Variants in SYT1 observed in about 807,000 individuals in gnomAD.
The protein encoded by SYT1 is synaptotagmin-1.
SYT1 carries 8 observed loss-of-function variants against 44.8 expected under a neutral mutation model. The ratio of observed to expected loss-of-function variants is 0.18; its 90% CI spans 0.10 to 0.32. SYT1 has a LOEUF of 0.32. SYT1 is among the 10% of genes least tolerant of loss of function. The pLI, the probability that SYT1 is intolerant of heterozygous loss-of-function variation, is 1.00. For synonymous variants in SYT1, 154 were observed against 188.8 expected (o/e 0.82, Z 1.51); for missense variants, 286 against 509.3 (o/e 0.56, Z 4.22).
At chr12:79,434,749 C>T (rs570885108) in intron 9 of SYT1, among the ~76,000 whole-genome samples, 2 of 152,214 alleles carry the variant, frequency 1.3e-5, no homozygotes, top group Admixed American at 6.5e-5. Context: ...TAAGTGCAGG[C>T]ACACACAAGT....
chr12:78,972,740 A>G (rs1050651786), intron 1 of SYT1, among the ~76,000 whole-genome samples: 2 of 151,776 alleles, frequency 1.3e-5, no homozygotes, highest in Non-Finnish European at 2.9e-5. Context: ...TTGAGTTTTT[A>G]TGAACTTATT....
intron 9 of SYT1, among the ~76,000 whole-genome samples, chr12:79,380,634 C>T (rs1433051320): frequency 2.0e-5 from 3 of 152,176 alleles, no homozygotes; most frequent in African/African-American, 7.2e-5. Flanking sequence ...GCAATCCTTC[C>T]ACCTCAGCCT....
chr12:79,073,517 A>G (rs755980060), intron 3 of SYT1, among the ~76,000 whole-genome samples: 25 of 152,240 alleles, frequency 1.6e-4, no homozygotes, highest in Non-Finnish European at 2.4e-4. Context: ...CTCTCCAATA[A>G]TGAAGCATTT....
chr12:79,305,175 A>G (rs73351047), intron 8 of SYT1, among the ~76,000 whole-genome samples: 2,780 of 152,324 alleles, frequency 0.018, 82 homozygotes, highest in African/African-American at 0.063. Flanking sequence ...GGCAGAGGTA[A>G]AAGAAATCCA....
chr12:79,051,876 C>T (rs555057344), intron 3 of SYT1, among the ~76,000 whole-genome samples: 331 of 152,094 alleles, frequency 2.2e-3, no homozygotes, highest in Non-Finnish European at 4.0e-3. Context: ...TGTTCTGTTC[C>T]ATTGGTCTAT....
At chr12:79,145,769 G>GTTTT (rs1406896261) in intron 3 of SYT1, among the ~76,000 whole-genome samples, 10 of 145,304 alleles carry the variant, frequency 6.9e-5, no homozygotes, top group African/African-American at 2.6e-4. Context: ...TTGTTTGTTT[G>GTTTT]TTTTTTGAGA....
At chr12:79,151,473 A>G (rs1008274524) in intron 3 of SYT1, among the ~76,000 whole-genome samples, 1 of 152,220 alleles carries the variant, frequency 6.6e-6, no homozygotes, top group African/African-American at 2.4e-5. Flanking sequence ...AAGGGATCAT[A>G]TATCAAGCTA....
In SYT1 at chr12:79,355,705, C is replaced by T. The variant is rs1045163838; in HGVS notation, c.928+2086C>T. Among the ~76,000 whole-genome samples the T allele has an allele frequency of 2.6e-5, 4 of 152,284 alleles. 1 individual carries two copies. The East Asian group carries it at 7.7e-4, about 29-fold the overall frequency. On this transcript the variant is annotated intron_variant, in intron 9 of 10. Coordinates refer to ENST00000261205, the MANE Select transcript of SYT1 (RefSeq NM_005639.3). ...TTCTGCCTCTATTACTTGCTTAGGTCGTTTCCTTCACCTGGAATTCTCTTC... is the reference window on the plus strand; with the variant it reads ...TTCTGCCTCTATTACTTGCTTAGGTTGTTTCCTTCACCTGGAATTCTCTTC...
intron 2 of SYT1, among the ~76,000 whole-genome samples, chr12:79,044,667 G>A (rs1295837076): frequency 6.7e-6 from 1 of 150,332 alleles, no homozygotes. Flanking sequence ...TCCGTTGCTG[G>A]TGAGGAACTG....
intron 3 of SYT1, among the ~76,000 whole-genome samples, chr12:79,105,920 AAGAT>A (rs1878693834): frequency 1.3e-5 from 2 of 152,048 alleles, no homozygotes; most frequent in Non-Finnish European, 2.9e-5. Flanking sequence ...AATTTGTTCT[AAGAT>A]AGAGACCAAA....
At chr12:79,012,958 TCTA>T (rs902270649) in intron 2 of SYT1, among the ~76,000 whole-genome samples, 2 of 152,036 alleles carry the variant, frequency 1.3e-5, no homozygotes, top group African/African-American at 2.4e-5. Context: ...CATGCTCCTT[TCTA>T]CTACAAGGCC....
At chr12:79,032,514 A>G (rs1241146844) in intron 2 of SYT1, among the ~76,000 whole-genome samples, 1 of 151,268 alleles carries the variant, frequency 6.6e-6, no homozygotes, top group Non-Finnish European at 1.5e-5. Context: ...AACTCACAAA[A>G]ATACTGTGAT....
intron 3 of SYT1, among the ~76,000 whole-genome samples, chr12:79,090,469 GCCAATACTC>G (rs1565801771): frequency 6.6e-6 from 1 of 151,816 alleles, no homozygotes; most frequent in Non-Finnish European, 1.5e-5. Flanking sequence ...TGCCCATCCA[GCCAATACTC>G]CCTCATTCCT....
chr12:79,279,171 C>T (rs1395891198), intron 4 of SYT1, among the ~76,000 whole-genome samples: 1 of 151,952 alleles, frequency 6.6e-6, no homozygotes, highest in African/African-American at 2.4e-5. Flanking sequence ...AAGCCAGTAT[C>T]ACCCTAATAA....
At chr12:79,111,636 C>T (rs1055447182) in intron 3 of SYT1, among the ~76,000 whole-genome samples, 1 of 151,680 alleles carries the variant, frequency 6.6e-6, no homozygotes, top group African/African-American at 2.4e-5. Context: ...TCTTATAATA[C>T]CTCATTCTAT....
chr12:79,128,030 G>T (rs1339791298), intron 3 of SYT1, among the ~76,000 whole-genome samples: 1 of 152,096 alleles, frequency 6.6e-6, no homozygotes, highest in African/African-American at 2.4e-5. Flanking sequence ...TAAGTAGGTG[G>T]GTGGATGGAC....
intron 1 of SYT1, among the ~76,000 whole-genome samples, chr12:78,882,086 G>T (rs895785759): frequency 1.3e-5 from 2 of 151,694 alleles, no homozygotes; most frequent in African/African-American, 4.8e-5. Context: ...GAGGTCGGGG[G>T]CCATGTATGC....
At chr12:79,417,526 G>A (rs1234159653) in intron 9 of SYT1, among the ~76,000 whole-genome samples, 1 of 152,004 alleles carries the variant, frequency 6.6e-6, no homozygotes, top group Non-Finnish European at 1.5e-5. Flanking sequence ...TCATCCTAAA[G>A]CAAAAATCTC....
chr12:79,006,937 T>C (rs1333948966), intron 2 of SYT1, among the ~76,000 whole-genome samples: 1 of 152,148 alleles, frequency 6.6e-6, no homozygotes, highest in African/African-American at 2.4e-5. Context: ...TCTTGCTTTG[T>C]AAATTTTTTC....
Sources: gnomAD v4.1 joint callset for allele counts (sites outside exome capture counted in the v4.1 genomes callset) on GRCh38, gnomAD v4.1.1 for gene constraint, MANE v1.5 for transcripts, NCBI Gene and HGNC (gene_info 2026-07-23, HGNC 2026-07-21) for gene names.